The following GOLGA6D variants were observed in gnomAD, a reference collection of about 807,000 sequenced individuals.
GOLGA6D encodes golgin A6 family member D, also known as golgin subfamily A member 6D.
GOLGA6D carries 9 observed loss-of-function variants against 42.1 expected under a neutral mutation model. That is an observed-to-expected ratio of 0.21 (90% CI 0.13 to 0.37). The LOEUF is 0.37. Among genes scored for constraint, GOLGA6D ranks in the 10% least tolerant of loss-of-function variants. The pLI, the probability that GOLGA6D is intolerant of heterozygous loss-of-function variation, is 1.00. For missense variants in GOLGA6D, 87 were observed against 420.8 expected, an observed-to-expected ratio of 0.21 and a Z score of 6.94; for synonymous variants, 39 against 167.3, an observed-to-expected ratio of 0.23 and a Z score of 5.92.
chr15:75,278,542 A>G (rs2070835201), upstream of GOLGA6D, among the ~76,000 whole-genome samples: 2 of 151,158 alleles, frequency 1.3e-5, no homozygotes, highest in South Asian at 4.2e-4. Context: ...GGACACCATC[A>G]GCACTTCCCC....
the GOLGA6D span, among the ~76,000 whole-genome samples, chr15:75,277,476 GAA>G: frequency 1.0e-5 from 1 of 98,498 alleles, no homozygotes; most frequent in Non-Finnish European, 2.0e-5. Flanking sequence ...GAGAATGAGA[GAA>G]GAGATACCTC....
intron 14 of GOLGA6D, 125 bp from the exon 15 acceptor site, chr15:75,293,604 C>G: frequency 1.5e-6 from 1 of 670,832 alleles, no homozygotes; most frequent in South Asian, 1.7e-5. Flanking sequence ...GTGGGGAGAG[C>G]TACCGGGCCC....
upstream of GOLGA6D, among the ~76,000 whole-genome samples, chr15:75,278,792 T>G (rs1220183162): frequency 2.6e-5 from 4 of 151,910 alleles, no homozygotes; most frequent in African/African-American, 7.3e-5. Context: ...CAGTGTAGCA[T>G]AGATGGTTGT....
At chr15:75,279,098 T>C (rs2070838531), upstream of GOLGA6D, among the ~76,000 whole-genome samples, 1 of 141,802 alleles carries the variant, frequency 7.1e-6, no homozygotes, top group Non-Finnish European at 1.5e-5. Context: ...TATCCATCAA[T>C]GGACTTCTAC....
Position 75,294,311 on chromosome 15 carries a change from G to T in GOLGA6D, c.1955-37G>T, listed in dbSNP as rs746932131. On this transcript the variant is annotated intron_variant, in intron 17 of 17. Coordinates refer to ENST00000434739, the MANE Select transcript of GOLGA6D (RefSeq NM_001145224.3). Reference sequence around the variant, plus strand: ...GGGCAGGCAGGGGCAGGGGAGGCTCGCACTGTGCTCAGACCCCCGCCTCCC... The same window carrying T: ...GGGCAGGCAGGGGCAGGGGAGGCTCTCACTGTGCTCAGACCCCCGCCTCCC... 2.6e-5 allele frequency: 40 copies of T among 1,555,954 alleles called. 2 individuals carry two copies. The highest frequency in any genetic ancestry group is 3.3e-5 in the African/African-American group (2 of 60,194).
the GOLGA6D span, among the ~76,000 whole-genome samples, chr15:75,277,714 C>A: frequency 7.1e-6 from 1 of 140,052 alleles, no homozygotes; most frequent in Admixed American, 7.2e-5. Context: ...CCCAGCTACT[C>A]GGGAGGCTGA....
rs557260093 is a variant in GOLGA6D, at chr15:75,294,529, C to G, written c.*54C>G. Reference sequence around the variant, plus strand: ...GCGTGCCATTCTTCTACCAGGCAGCCGAGAACAGGGAGATAAACATCATCA... The same window carrying G: ...GCGTGCCATTCTTCTACCAGGCAGCGGAGAACAGGGAGATAAACATCATCA... On this transcript the variant is annotated 3_prime_UTR_variant, in exon 18 of 18. Coordinates refer to ENST00000434739, the MANE Select transcript of GOLGA6D (RefSeq NM_001145224.3). The G allele has an allele frequency of 4.1e-6, 6 of 1,450,702 alleles. No individual in the cohort carries two copies. Among genetic ancestry groups the G allele is most frequent in the Non-Finnish European group, 5.6e-6 (6 of 1,078,406 alleles). 89.9% of individuals were successfully genotyped at this position (1,450,702 alleles called of 1,614,324 possible).
upstream of GOLGA6D, among the ~76,000 whole-genome samples, chr15:75,278,537 C>T (rs1249778077): frequency 2.0e-5 from 3 of 151,098 alleles, no homozygotes; most frequent in Non-Finnish European, 4.4e-5. Context: ...CCTCGGGACA[C>T]CATCAGCACT....
chr15:75,290,704 CAGGAGGAGAGGCTGCGAAAGG>C lies in GOLGA6D; in HGVS notation c.1187_1207del (p.Arg396_Leu402del). On this transcript the variant is annotated inframe_deletion, in exon 11 of 18. Transcript: ENST00000434739. ...AAAGCAGGAGCAGAGGCTACGCAAA[CAGGAGGAGAGGCTGCGAAAGG>C]AGGAGGAGAGGCTGCAAAAGCAGGA... 1.0e-5 allele frequency: 1 copy of C among 95,494 alleles called. No individual in the cohort carries two copies. The highest frequency in any genetic ancestry group is 4.2e-4 in the African/African-American group (1 of 2,406). The allele number at this position is 95,494 out of a possible 1,614,324, so 5.9% of individuals were successfully genotyped here.
chr15:75,277,822 GT>G, the GOLGA6D span, among the ~76,000 whole-genome samples: 15 of 1,672 alleles, frequency 9.0e-3, no homozygotes, highest in Non-Finnish European at 0.024. Flanking sequence ...AAATGTCACT[GT>G]TTTGGGGTTT....
chr15:75,293,423 C>T lies in GOLGA6D; in HGVS notation c.1593+259C>T, dbSNP rs574406121. On this transcript the variant is annotated intron_variant, in intron 14 of 17. Transcript: ENST00000434739. Reference sequence around the variant, plus strand: ...ATACTCACCTCTTGCCTTCAAGTGGCATTTTTCAACTCCGCTGGAGCCAGT... The same window carrying T: ...ATACTCACCTCTTGCCTTCAAGTGGTATTTTTCAACTCCGCTGGAGCCAGT... 1.1e-3 allele frequency among the ~76,000 whole-genome samples: 166 copies of T among 146,922 alleles called. 1 individual carries two copies. Among genetic ancestry groups the T allele is most frequent in the African/African-American group, 4.2e-3 (158 of 37,956 alleles).
intron 14 of GOLGA6D, among the ~76,000 whole-genome samples, 188 bp downstream of exon 14, chr15:75,293,352 T>C (rs1185821103): frequency 1.4e-5 from 2 of 141,900 alleles, no homozygotes; most frequent in Admixed American, 1.4e-4. Flanking sequence ...GAAGGGGTTG[T>C]TCTCCACCTC....
At chr15:75,294,304 G>A (rs2070892842) in intron 17 of GOLGA6D, 43 bp downstream of exon 17, 1 of 1,546,838 alleles carries the variant, frequency 6.5e-7, no homozygotes, top group African/African-American at 1.7e-5. Flanking sequence ...AGGGGCAGGG[G>A]AGGCTCGCAC....
At position 75,295,392 on chromosome 15, in the gene GOLGA6D, CATT is replaced by C. The variant is rs1452437287; in HGVS notation, c.*918_*920del. ...TTTCTGAGGAATGAAAGGCTCCCAT[CATT>C]GACTGTGGATGTGGAAAACCTTTTC... On this transcript the variant is annotated 3_prime_UTR_variant, in exon 18 of 18. Transcript: ENST00000434739. 62 of 133,418 alleles carry C rather than the reference CATT, an allele frequency of 4.6e-4. 3 individuals carry two copies. The highest frequency in any genetic ancestry group is 1.8e-3 in the African/African-American group (59 of 33,220). The allele number at this position is 133,418 out of a possible 1,614,324, so 8.3% of individuals were successfully genotyped here. A position where few individuals can be genotyped will look rare whatever the true frequency, so the allele number is the denominator to read the frequency against.
intron 14 of GOLGA6D, among the ~76,000 whole-genome samples, chr15:75,293,523 G>C (rs2070884593): frequency 6.9e-6 from 1 of 144,806 alleles, no homozygotes; most frequent in Non-Finnish European, 1.5e-5. Context: ...TGGCTCATCT[G>C]GTGGCCTTGG....
chr15:75,278,740 T>C (rs1174276231), upstream of GOLGA6D, among the ~76,000 whole-genome samples: 52 of 151,738 alleles, frequency 3.4e-4, no homozygotes, highest in Non-Finnish European at 5.9e-4. Flanking sequence ...TCTAGAAAGT[T>C]GAGAGATTCC....
intron 7 of GOLGA6D, 108 bp from the exon 8 acceptor site, chr15:75,289,289 A>G: frequency 1.3e-6 from 1 of 799,530 alleles, no homozygotes. Context: ...GGGCTTGGAA[A>G]TGCCTTGACC....
At chr15:75,293,547 A>G (rs2141651251) in intron 14 of GOLGA6D, among the ~76,000 whole-genome samples, 182 bp from the exon 15 acceptor site, 2 of 145,044 alleles carry the variant, frequency 1.4e-5, no homozygotes, top group South Asian at 4.4e-4. Flanking sequence ...GGAAGGAGCC[A>G]GAGGCAGAGG....
upstream of GOLGA6D, among the ~76,000 whole-genome samples, chr15:75,278,034 C>T (rs1192795671): frequency 4.6e-4 from 54 of 118,394 alleles, no homozygotes; most frequent in Non-Finnish European, 6.2e-4. Flanking sequence ...CTTCCAAGCC[C>T]ATGTTTTACT....
Sources: allele counts gnomAD v4.1 joint callset (sites outside exome capture counted in the v4.1 genomes callset), GRCh38; gene constraint gnomAD v4.1.1; transcripts MANE v1.5; gene names NCBI Gene and HGNC (gene_info 2026-07-23, HGNC 2026-07-21).